SEMA3E: variants seen among roughly 807,000 people sequenced by gnomAD.
The protein encoded by SEMA3E is semaphorin-3E.
Under a neutral mutation model 93.6 loss-of-function variants are expected in SEMA3E, and 49 were observed. The ratio of observed to expected loss-of-function variants is 0.52; its 90% CI spans 0.42 to 0.66. SEMA3E has a LOEUF of 0.66. Ranked by LOEUF, SEMA3E falls within the 30% of genes least tolerant of loss-of-function variation. SEMA3E has a pLI of 0.00. For missense variants in SEMA3E, 906 were observed against 964.8 expected (o/e 0.94, Z 0.81); for synonymous variants, 363 against 330.7 (o/e 1.10, Z -1.06).
At chr7:83,371,880 C>T (rs111567182) in intron 16 of SEMA3E, 2,026 of 161,216 alleles carry the variant, frequency 0.013, 48 homozygotes, top group African/African-American at 0.046. Flanking sequence ...TCCTTTATAG[C>T]CCCTAAAGGT....
chr7:83,381,921 A>G (rs1787785925), intron 16 of SEMA3E, among the ~76,000 whole-genome samples: 1 of 151,968 alleles, frequency 6.6e-6, no homozygotes, highest in Non-Finnish European at 1.5e-5. Flanking sequence ...TAGAGTGGCG[A>G]TGGTTCAAAT....
chr7:83,635,933 A>T (rs1793875292), intron 1 of SEMA3E, among the ~76,000 whole-genome samples: 1 of 151,250 alleles, frequency 6.6e-6, no homozygotes, highest in Admixed American at 6.6e-5. Flanking sequence ...GAAAAAAAAC[A>T]AAGATGGGTA....
chr7:83,472,931 G>A (rs188336945), intron 2 of SEMA3E, among the ~76,000 whole-genome samples: 1 of 152,246 alleles, frequency 6.6e-6, no homozygotes, highest in African/African-American at 2.4e-5. Flanking sequence ...CTGCTACCTT[G>A]TGAAAAAGGT....
chr7:83,552,622 C>A (rs932070093), intron 1 of SEMA3E, among the ~76,000 whole-genome samples: 1 of 151,990 alleles, frequency 6.6e-6, no homozygotes, highest in Non-Finnish European at 1.5e-5. Flanking sequence ...ATTATTAATA[C>A]CCTGGGAAAG....
intron 1 of SEMA3E, among the ~76,000 whole-genome samples, chr7:83,590,367 C>G (rs1295851322): frequency 2.1e-5 from 3 of 141,418 alleles, no homozygotes; most frequent in African/African-American, 7.8e-5. Context: ...GATTCACTGG[C>G]AAAATCTGGA....
intron 16 of SEMA3E, among the ~76,000 whole-genome samples, chr7:83,380,029 C>T (rs1335528133): frequency 6.6e-6 from 1 of 151,826 alleles, no homozygotes; most frequent in Non-Finnish European, 1.5e-5. Flanking sequence ...GACAGCTCCA[C>T]CTGAATGATT....
chr7:83,600,382 C>T (rs1792963911), intron 1 of SEMA3E, among the ~76,000 whole-genome samples: 1 of 150,246 alleles, frequency 6.7e-6, no homozygotes, highest in African/African-American at 2.5e-5. Context: ...TGCAATGGTG[C>T]TATCTCGGCT....
intron 1 of SEMA3E, among the ~76,000 whole-genome samples, chr7:83,491,048 A>G (rs955428064): frequency 6.6e-6 from 1 of 152,078 alleles, no homozygotes; most frequent in Non-Finnish European, 1.5e-5. Flanking sequence ...TCTGGATGCT[A>G]AAGAATTCCT....
At chr7:83,503,419 T>C (rs1433593401) in intron 1 of SEMA3E, among the ~76,000 whole-genome samples, 1 of 152,206 alleles carries the variant, frequency 6.6e-6, no homozygotes, top group East Asian at 1.9e-4. Flanking sequence ...ATTTGAATTC[T>C]AAGTGCCAAA....
chr7:83,459,868 C>A (rs1789573433), intron 4 of SEMA3E, among the ~76,000 whole-genome samples: 1 of 152,168 alleles, frequency 6.6e-6, no homozygotes, highest in Non-Finnish European at 1.5e-5. Context: ...GAAAGTCCTT[C>A]TCCTGGCTCA....
At chr7:83,413,860 G>C (rs1381073243) in intron 5 of SEMA3E, among the ~76,000 whole-genome samples, 1 of 152,190 alleles carries the variant, frequency 6.6e-6, no homozygotes, top group Non-Finnish European at 1.5e-5. Flanking sequence ...CAATGATATT[G>C]ATACCATGAG....
intron 1 of SEMA3E, among the ~76,000 whole-genome samples, chr7:83,492,745 T>C (rs200211405): frequency 1.3e-5 from 2 of 148,228 alleles, no homozygotes; most frequent in Non-Finnish European, 1.5e-5. Flanking sequence ...CACACACACA[T>C]ATACTTTTAC....
Position 83,489,996 on chromosome 7 carries a change from A to G in SEMA3E, c.276+118T>C. 3.3e-6 allele frequency: 3 copies of G among 905,854 alleles called. No homozygotes were observed. In the South Asian group the frequency reaches 4.6e-5, roughly 14 times the overall value. The allele number at this position is 905,854 out of a possible 1,614,324, so 56.1% of individuals were successfully genotyped here. ...TTCAGTTTTAACTAATATTTTATTT[A>G]AAAAGTAATCACTCAAAATTTTAAA... On this transcript the variant is annotated intron_variant, in intron 2 of 16. Coordinates refer to ENST00000643230, the MANE Select transcript of SEMA3E (RefSeq NM_012431.3).
intron 1 of SEMA3E, among the ~76,000 whole-genome samples, chr7:83,523,919 A>G (rs1360474510): frequency 3.3e-5 from 5 of 152,158 alleles, no homozygotes; most frequent in Non-Finnish European, 7.4e-5. Context: ...TATTTTTAAG[A>G]AATAAACATT....
At position 83,622,510 on chromosome 7, in the gene SEMA3E, A is replaced by G. The variant is rs215253; in HGVS notation, c.115+25918T>C. On this transcript the variant is annotated intron_variant, in intron 1 of 16. Transcript: ENST00000643230. The stretch of plus-strand genomic sequence containing the variant: ...TACCCAAAGGAATATAAATCCTTCT[A>G]TTATAAAGATACATGCACACATATG... Among the ~76,000 whole-genome samples, 628 of 152,334 alleles carry G rather than the reference A, an allele frequency of 4.1e-3. 3 individuals carry two copies. Among genetic ancestry groups the G allele is most frequent in the African/African-American group, 0.014 (595 of 41,574 alleles).
At chr7:83,501,197 T>G (rs1432415284) in intron 1 of SEMA3E, among the ~76,000 whole-genome samples, 1 of 152,192 alleles carries the variant, frequency 6.6e-6, no homozygotes, top group East Asian at 1.9e-4. Context: ...AAATACATAT[T>G]TAACAATTTT....
intron 1 of SEMA3E, among the ~76,000 whole-genome samples, chr7:83,562,615 A>G (rs1383217773): frequency 6.6e-6 from 1 of 152,126 alleles, no homozygotes; most frequent in African/African-American, 2.4e-5. Flanking sequence ...TTAAAGCAGG[A>G]TATCTTTATC....
In SEMA3E at chr7:83,437,629, G is replaced by T. The variant is rs534429635; in HGVS notation, c.457-19146C>A. 4.6e-5 allele frequency among the ~76,000 whole-genome samples: 7 copies of T among 152,120 alleles called. No homozygotes were observed. In the South Asian group the frequency reaches 1.5e-3, roughly 32 times the overall value. On this transcript the variant is annotated intron_variant, in intron 4 of 16. Coordinates refer to ENST00000643230, the MANE Select transcript of SEMA3E (RefSeq NM_012431.3). ...TCAAATGACTCTTAAAATGTAAAAA[G>T]ATACTATCTCAGCCATAAATATATG...
At chr7:83,556,423 C>T (rs6952103) in intron 1 of SEMA3E, among the ~76,000 whole-genome samples, 16,217 of 152,074 alleles carry the variant, frequency 0.11, 939 homozygotes, top group East Asian at 0.19. Context: ...TTTTAAGAGT[C>T]ATAATACATT....
Sources: gnomAD v4.1 joint callset for allele counts (sites outside exome capture counted in the v4.1 genomes callset) on GRCh38, gnomAD v4.1.1 for gene constraint, MANE v1.5 for transcripts, NCBI Gene and HGNC (gene_info 2026-07-23, HGNC 2026-07-21) for gene names.